LRP4: variants seen among roughly 807,000 people sequenced by gnomAD.
LRP4 encodes the protein low-density lipoprotein receptor-related protein 4.
LRP4 carries 95 observed loss-of-function variants against 220.3 expected under a neutral mutation model. That is an observed-to-expected ratio of 0.43 (90% CI 0.37 to 0.51). The LOEUF is 0.51. LRP4 is among the 20% of genes least tolerant of loss of function. LRP4 has a pLI of 0.00. For missense variants in LRP4, 1,925 were observed against 2,567.0 expected (o/e 0.75, Z 5.40); for synonymous variants, 903 against 954.6 (o/e 0.95, Z 1.00).
chr11:46,874,903 C>A lies in LRP4; in HGVS notation c.4126G>T (p.Asp1376Tyr). The change falls in exon 28 of 38, where the codon GAT (aspartate) becomes TAT (tyrosine). Residue 1376 changes from aspartate to tyrosine, a missense_variant. Asp to Tyr is a radical substitution (Grantham distance 160). This residue lies in a region of LRP4 where 1,244 missense variants were observed against 1,624.9 expected (regional missense o/e 0.77). Transcript: ENST00000378623. ...AGCTCAGGAACAGGGACATGCACATCGGTGTGGTCACTGGTGTCCAGTGAG... is the reference window on the plus strand; with the variant it reads ...AGCTCAGGAACAGGGACATGCACATAGGTGTGGTCACTGGTGTCCAGTGAG... ...RISLDTSDHTDVHVPVPELNN... is the reference protein window; with the variant it reads ...RISLDTSDHTYVHVPVPELNN... 1 of 1,614,142 alleles carries A rather than the reference C, an allele frequency of 6.2e-7. No homozygotes were observed. The highest frequency in any genetic ancestry group is 8.5e-7 in the Non-Finnish European group (1 of 1,180,022).
chr11:46,876,037 C>T (rs905593613), intron 25 of LRP4, 71 bp from the exon 26 acceptor site: 30 of 1,514,682 alleles, frequency 2.0e-5, no homozygotes, highest in Non-Finnish European at 8.2e-6. Flanking sequence ...GAATACTTAA[C>T]AGTATGTCAG....
chr11:46,911,083 T>C (rs1303552764), intron 1 of LRP4, among the ~76,000 whole-genome samples: 1 of 152,176 alleles, frequency 6.6e-6, no homozygotes, highest in Non-Finnish European at 1.5e-5. Context: ...CTTCCACTTT[T>C]GTAAATCAGG....
At chr11:46,902,428 T>C (rs1044887465) in intron 2 of LRP4, among the ~76,000 whole-genome samples, 11 of 152,062 alleles carry the variant, frequency 7.2e-5, no homozygotes, top group Admixed American at 5.2e-4. Flanking sequence ...TAATCCACAT[T>C]TGTGTATAGT....
intron 16 of LRP4, 141 bp from the exon 17 acceptor site, chr11:46,886,674 C>CA: frequency 1.4e-6 from 1 of 732,636 alleles, no homozygotes; most frequent in Middle Eastern, 3.4e-4. Context: ...CTTTATACCT[C>CA]AGGCTTCTTT....
At chr11:46,915,498 C>T (rs575149983) in intron 1 of LRP4, among the ~76,000 whole-genome samples, 2 of 152,290 alleles carry the variant, frequency 1.3e-5, no homozygotes, top group East Asian at 3.9e-4. Flanking sequence ...AACCAATAGG[C>T]TCTAGGAAAA....
Position 46,886,399 on chromosome 11 carries a change from C to T in LRP4, c.2350G>A (p.Asp784Asn), listed in dbSNP as rs745804953. Residue 784 changes from aspartate (D) to asparagine (N), a missense_variant, in exon 17 of 38, where the codon GAT (aspartate) becomes AAT (asparagine). By Grantham distance (23) the Asp-to-Asn change is conservative (BLOSUM62 1). Transcript: ENST00000378623. ...SAVALDWDSRDDHVYWTDVST... is the reference protein window; with the variant it reads ...SAVALDWDSRNDHVYWTDVST... ...ACATCTGTCCAGTACACGTGGTCAT[C>T]CCGGGAGTCCCAGTCAAGGGCCACA... 4.3e-6 allele frequency: 7 copies of T among 1,612,548 alleles called. No homozygotes were observed. The Admixed American group carries it at 1.2e-4, about 27-fold the overall frequency.
chr11:46,875,530 C>T lies in LRP4; in HGVS notation c.3851G>A (p.Ser1284Asn), dbSNP rs754921317. ...SIHRADKGTG[S>N]NVILVRSNLP... The stretch of plus-strand genomic sequence containing the variant: ...GTTGGACCTCACGAGGATGACATTG[C>T]TGCCAGTACCCTTGTCAGCACGGTG... The change falls in exon 27 of 38, where the codon AGC becomes AAC. Residue 1284 changes from serine (S) to asparagine (N), a missense_variant. Transcript: ENST00000378623. The surrounding 1 kb of genome is among the most constrained non-coding windows in gnomAD (Gnocchi z 4.5). 1 of 1,614,178 alleles carries T rather than the reference C, an allele frequency of 6.2e-7. No homozygotes were observed. The highest frequency in any genetic ancestry group is 8.5e-7 in the Non-Finnish European group (1 of 1,180,040).
chr11:46,904,333 C>T (rs565092862), intron 1 of LRP4, among the ~76,000 whole-genome samples: 1 of 152,320 alleles, frequency 6.6e-6, no homozygotes, highest in South Asian at 2.1e-4. Context: ...ATTATAATTC[C>T]TTGGCCTAGC....
At chr11:46,917,373 C>T (rs1050136420) in intron 1 of LRP4, among the ~76,000 whole-genome samples, 2 of 152,204 alleles carry the variant, frequency 1.3e-5, no homozygotes, top group African/African-American at 4.8e-5. Flanking sequence ...TCTTTGATCT[C>T]TGGGCACAAA....
chr11:46,887,961 G>A (rs1401152213), intron 16 of LRP4, among the ~76,000 whole-genome samples: 1 of 127,858 alleles, frequency 7.8e-6, no homozygotes, highest in Non-Finnish European at 1.6e-5. Flanking sequence ...GCTGCAGTGA[G>A]CACTGTTTAC....
In LRP4 at chr11:46,868,614, C is replaced by T. The variant is rs3816614; in HGVS notation, c.4937G>A (p.Arg1646Gln). The T allele has an allele frequency of 0.73, 1,174,981 of 1,612,518 alleles. 437,111 individuals carry two copies. The highest frequency in any genetic ancestry group is 0.77 in the Non-Finnish European group (906,246 of 1,178,726). ...VCACPDEPDSRPCSLVPGLVP... is the reference protein window; with the variant it reads ...VCACPDEPDSQPCSLVPGLVP... ...GTCCAACTCACCAAGGGAGCAGGGCCGGCTATCAGGTTCGTCAGGACAGGC... is the reference window on the plus strand; with the variant it reads ...GTCCAACTCACCAAGGGAGCAGGGCTGGCTATCAGGTTCGTCAGGACAGGC... The change falls in exon 33 of 38, where the codon CGG becomes CAG. Residue 1646 changes from arginine (R) to glutamine (Q), a missense_variant. Transcript: ENST00000378623.
At chr11:46,892,497 C>G (rs1457976550) in intron 13 of LRP4, among the ~76,000 whole-genome samples, 1 of 151,134 alleles carries the variant, frequency 6.6e-6, no homozygotes. Context: ...CAAGGCCACA[C>G]AGCCAGTTAT....
In LRP4 at chr11:46,886,442, C is replaced by A. The variant is rs763092683; in HGVS notation, c.2307G>T (p.Leu769=). Residue 769 remains leucine, a synonymous_variant, in exon 17 of 38, where the codon CTG becomes CTT. Transcript: ENST00000378623. ...TEDLSDDVIP[L]ADVRSAVALD... ...GGGCCACAGCACTGCGCACGTCAGCCAGTGGGATGACATCATCAGACAGGT... is the reference window on the plus strand; with the variant it reads ...GGGCCACAGCACTGCGCACGTCAGCAAGTGGGATGACATCATCAGACAGGT... The A allele has an allele frequency of 1.9e-6, 3 of 1,614,002 alleles. No individual in the cohort carries two copies. In the South Asian group the frequency reaches 3.3e-5, roughly 18 times the overall value.
intron 20 of LRP4, 117 bp downstream of exon 20, chr11:46,881,585 T>C (rs1941160974): frequency 1.0e-6 from 1 of 1,000,456 alleles, no homozygotes; most frequent in South Asian, 1.3e-5. Flanking sequence ...TCCCATAACC[T>C]CCAGATCCCC....
intron 2 of LRP4, among the ~76,000 whole-genome samples, chr11:46,902,539 T>C (rs1941686647): frequency 1.3e-5 from 2 of 152,196 alleles, no homozygotes; most frequent in South Asian, 4.1e-4. Flanking sequence ...TGTGTTCTCT[T>C]ACACGTGTTG....
intron 37 of LRP4, among the ~76,000 whole-genome samples, chr11:46,860,258 G>A (rs1008511398): frequency 6.7e-6 from 1 of 150,192 alleles, no homozygotes; most frequent in Non-Finnish European, 1.5e-5. Flanking sequence ...AAGAAAGAAA[G>A]AAAAAAAACT....
intron 1 of LRP4, among the ~76,000 whole-genome samples, chr11:46,915,178 G>A (rs969515036): frequency 6.6e-6 from 1 of 152,334 alleles, no homozygotes; most frequent in Admixed American, 6.5e-5. Context: ...TCAGGGACAA[G>A]GTCACTCAAG....
At chr11:46,885,199 T>C (rs1941259945) in intron 18 of LRP4, among the ~76,000 whole-genome samples, 1 of 152,126 alleles carries the variant, frequency 6.6e-6, no homozygotes, top group African/African-American at 2.4e-5. Flanking sequence ...GGGGTCTTGC[T>C]ATATTTCCCA....
intron 13 of LRP4, among the ~76,000 whole-genome samples, chr11:46,892,118 A>C (rs1941434925): frequency 6.6e-6 from 1 of 151,998 alleles, no homozygotes; most frequent in Non-Finnish European, 1.5e-5. Flanking sequence ...ATTTTTGTAG[A>C]GATGAGGCCA....
Sources: gnomAD v4.1 joint callset for allele counts (sites outside exome capture counted in the v4.1 genomes callset) on GRCh38, gnomAD v4.1.1 for gene constraint, gnomAD v4.1.1 regional missense constraint, Gnocchi (gnomAD v3.1) non-coding constraint, MANE v1.5 for transcripts, NCBI Gene and HGNC (gene_info 2026-07-23, HGNC 2026-07-21) for gene names.